Variants in USP32 observed in about 807,000 individuals in gnomAD.
The protein encoded by USP32 is ubiquitin specific peptidase 32, also known as ubiquitin carboxyl-terminal hydrolase 32.
A neutral mutation model predicts 204.8 loss-of-function variants in USP32; 59 were observed. That is an observed-to-expected ratio of 0.29 (90% CI 0.23 to 0.36). The LOEUF is 0.36. Ranked by LOEUF, USP32 falls within the 10% of genes least tolerant of loss-of-function variation. The probability of loss-of-function intolerance (pLI) is 1.00; values close to 1 mark genes in which losing one functional copy is unlikely to be tolerated. For synonymous variants in USP32, 517 were observed against 678.4 expected (o/e 0.76, Z 3.70); for missense variants, 1,160 against 1,946.4 (o/e 0.60, Z 7.60).
intron 9 of USP32, among the ~76,000 whole-genome samples, chr17:60,262,119 G>T (rs1171522952): frequency 3.3e-5 from 5 of 152,072 alleles, no homozygotes; most frequent in Non-Finnish European, 4.4e-5. Flanking sequence ...TGCTAAGCAA[G>T]GTATCATATG....
intron 26 of USP32, among the ~76,000 whole-genome samples, chr17:60,203,396 C>CA (rs554691150): frequency 0.14 from 3,506 of 24,236 alleles, 582 homozygotes; most frequent in African/African-American, 0.21. Flanking sequence ...GCGAGACTGT[C>CA]AAAAAAAAAA....
chr17:60,285,109 G>A (rs2087077364), intron 5 of USP32, among the ~76,000 whole-genome samples: 1 of 152,124 alleles, frequency 6.6e-6, no homozygotes, highest in African/African-American at 2.4e-5. Context: ...AGGCATTTAA[G>A]GAAAGCAGTC....
intron 1 of USP32, among the ~76,000 whole-genome samples, chr17:60,356,496 T>C (rs560419068): frequency 2.0e-5 from 3 of 152,298 alleles, no homozygotes; most frequent in South Asian, 2.1e-4. Flanking sequence ...CCGAGTAGTA[T>C]AGAACCCCTC....
At chr17:60,337,032 A>C (rs905796932) in intron 2 of USP32, among the ~76,000 whole-genome samples, 3 of 152,226 alleles carry the variant, frequency 2.0e-5, no homozygotes, top group Non-Finnish European at 4.4e-5. Flanking sequence ...TAGAGTTGTC[A>C]AGAAAGTTGT....
At chr17:60,248,625 C>G (rs2086094774) in intron 11 of USP32, among the ~76,000 whole-genome samples, 1 of 152,268 alleles carries the variant, frequency 6.6e-6, no homozygotes, top group Non-Finnish European at 1.5e-5. Flanking sequence ...CAACTCAAAT[C>G]TGCTAGAATT....
At chr17:60,403,338 C>T (rs1055823178) in intron 1 of USP32, among the ~76,000 whole-genome samples, 1 of 152,186 alleles carries the variant, frequency 6.6e-6, no homozygotes, top group African/African-American at 2.4e-5. Context: ...ATGACCTAGC[C>T]TCAGATGTAA....
chr17:60,250,492 A>G (rs112091512), intron 11 of USP32, among the ~76,000 whole-genome samples: 3,042 of 152,280 alleles, frequency 0.02, 49 homozygotes, highest in Middle Eastern at 0.031. Flanking sequence ...ATAGCCACAT[A>G]AAAGCCTTTA....
intron 4 of USP32, 81 bp from the exon 5 acceptor site, chr17:60,288,763 A>G (rs2087188853): frequency 2.5e-6 from 3 of 1,210,076 alleles, no homozygotes; most frequent in Admixed American, 2.5e-5. Flanking sequence ...GAAATTTGCA[A>G]TTAGTTGGCA....
intron 11 of USP32, among the ~76,000 whole-genome samples, chr17:60,247,513 G>A (rs2086061544): frequency 6.6e-6 from 1 of 151,964 alleles, no homozygotes; most frequent in Non-Finnish European, 1.5e-5. Context: ...TTTAGTGTAT[G>A]GTAAGAAATT....
chr17:60,386,002 T>C (rs927755828), intron 1 of USP32, among the ~76,000 whole-genome samples: 4 of 152,014 alleles, frequency 2.6e-5, no homozygotes, highest in Non-Finnish European at 5.9e-5. Flanking sequence ...AAGAAAATTC[T>C]ATTCTATTGC....
chr17:60,246,818 G>A (rs1041309459), intron 11 of USP32, among the ~76,000 whole-genome samples: 1 of 152,012 alleles, frequency 6.6e-6, no homozygotes. Context: ...TATATCTGCT[G>A]GCCATTTGTA....
chr17:60,313,010 G>A (rs2087890937), intron 2 of USP32, among the ~76,000 whole-genome samples: 1 of 152,106 alleles, frequency 6.6e-6, no homozygotes, highest in African/African-American at 2.4e-5. Flanking sequence ...CAGCACTTTA[G>A]GAGGCTAAGC....
intron 11 of USP32, among the ~76,000 whole-genome samples, chr17:60,239,982 G>A (rs1156847002): frequency 1.3e-5 from 2 of 152,142 alleles, no homozygotes; most frequent in African/African-American, 2.4e-5. Flanking sequence ...AATTATCTGC[G>A]CCTTGGCCTC....
chr17:60,218,985 A>G (rs56285500), intron 16 of USP32, among the ~76,000 whole-genome samples: 3 of 152,252 alleles, frequency 2.0e-5, no homozygotes, highest in Non-Finnish European at 2.9e-5. Flanking sequence ...TTAACCTTAC[A>G]GAGAAATGAA....
At chr17:60,338,377 G>C (rs1425914847) in intron 2 of USP32, among the ~76,000 whole-genome samples, 1 of 151,764 alleles carries the variant, frequency 6.6e-6, no homozygotes, top group Non-Finnish European at 1.5e-5. Context: ...AAATTTGTTT[G>C]AGAGGAGTAG....
At chr17:60,302,060 C>T (rs2087591244) in intron 2 of USP32, among the ~76,000 whole-genome samples, 1 of 151,990 alleles carries the variant, frequency 6.6e-6, no homozygotes, top group South Asian at 2.1e-4. Flanking sequence ...TGATTTTGCC[C>T]AACTGAAGGC....
rs138220191 is a variant in USP32 at position 60,380,090 on chromosome 17, G to A, written c.58+11792C>T. ...GTAAGTTCAGGAAAGCTCCAAAGAA[G>A]GTAAGATTTAGGCAAAGTCCAGAAG... On this transcript the variant is annotated intron_variant, in intron 1 of 33. Coordinates refer to ENST00000300896, the MANE Select transcript of USP32 (RefSeq NM_032582.4). 9.5e-3 allele frequency among the ~76,000 whole-genome samples: 1,442 copies of A among 152,210 alleles called. 32 individuals are homozygous for A. Among genetic ancestry groups the A allele is most frequent in the African/African-American group, 0.033 (1,386 of 41,508 alleles).
intron 2 of USP32, among the ~76,000 whole-genome samples, chr17:60,318,361 T>C (rs886494079): frequency 2.6e-5 from 4 of 152,190 alleles, no homozygotes; most frequent in Admixed American, 6.5e-5. Context: ...TAAAGAATTA[T>C]ATATTCTCCT....
upstream of USP32, among the ~76,000 whole-genome samples, chr17:60,394,736 T>C (rs138165150): frequency 6.8e-3 from 1,036 of 152,048 alleles, 15 homozygotes; most frequent in African/African-American, 0.024. Context: ...AGGTAATTTT[T>C]TATTTATTTA....
Sources: allele counts gnomAD v4.1 joint callset (sites outside exome capture counted in the v4.1 genomes callset), GRCh38; gene constraint gnomAD v4.1.1; transcripts MANE v1.5; gene names NCBI Gene and HGNC (gene_info 2026-07-23, HGNC 2026-07-21).